Variants in PLEKHA6 observed in about 807,000 individuals in gnomAD.
The protein encoded by PLEKHA6 is pleckstrin homology domain containing A6.
A neutral mutation model predicts 116.7 loss-of-function variants in PLEKHA6; 60 were observed. The ratio of observed to expected loss-of-function variants is 0.51; its 90% CI spans 0.42 to 0.64. The LOEUF (loss-of-function observed/expected upper bound fraction) is 0.64, where lower values mean the gene tolerates loss of function less well. PLEKHA6 is among the 30% of genes least tolerant of loss of function. PLEKHA6 has a pLI of 0.00. For missense variants in PLEKHA6, 1,338 were observed against 1,422.7 expected, an observed-to-expected ratio of 0.94 and a Z score of 0.96; for synonymous variants, 489 against 556.1, an observed-to-expected ratio of 0.88 and a Z score of 1.70.
chr1:204,249,645 A>G (rs1407946375), intron 10 of PLEKHA6, among the ~76,000 whole-genome samples: 1 of 152,132 alleles, frequency 6.6e-6, no homozygotes. Context: ...AAAAGCAGTG[A>G]GCAATAGAAA....
At chr1:204,227,113 C>A (rs1660470263) in intron 21 of PLEKHA6, among the ~76,000 whole-genome samples, 1 of 152,242 alleles carries the variant, frequency 6.6e-6, no homozygotes, top group Non-Finnish European at 1.5e-5. Flanking sequence ...GCCATCCCTT[C>A]CACTATGTTC....
upstream of PLEKHA6, among the ~76,000 whole-genome samples, chr1:204,360,376 A>ACC (rs1673531389): frequency 7.8e-6 from 1 of 128,696 alleles, no homozygotes; most frequent in East Asian, 3.3e-4. Flanking sequence ...GGGCCTCCCC[A>ACC]TCCCCCGCCC....
Sources: gnomAD v4.1 joint callset for allele counts (sites outside exome capture counted in the v4.1 genomes callset) on GRCh38, gnomAD v4.1.1 for gene constraint, MANE v1.5 for transcripts, NCBI Gene and HGNC (gene_info 2026-07-23, HGNC 2026-07-21) for gene names.